The following CA10 variants were observed in gnomAD, a reference collection of about 807,000 sequenced individuals.
CA10 encodes carbonic anhydrase 10 (inactive), also known as carbonic anhydrase-related protein 10.
CA10 carries 14 observed loss-of-function variants against 44.2 expected under a neutral mutation model. The ratio of observed to expected loss-of-function variants is 0.32; its 90% CI spans 0.21 to 0.50. CA10 has a LOEUF of 0.50. Among genes scored for constraint, CA10 ranks in the 20% least tolerant of loss-of-function variants. The pLI is 0.99. For missense variants in CA10, 350 were observed against 409.7 expected (o/e 0.85, Z 1.26); for synonymous variants, 159 against 141.6 (o/e 1.12, Z -0.87).
intron 3 of CA10, among the ~76,000 whole-genome samples, chr17:51,778,403 C>G (rs1052242226): frequency 2.0e-5 from 3 of 152,196 alleles, no homozygotes; most frequent in African/African-American, 7.2e-5. Flanking sequence ...CTGGCCTTGC[C>G]TGTAAGCTTG....
At chr17:51,873,183 C>G (rs7220627) in intron 3 of CA10, among the ~76,000 whole-genome samples, 6,978 of 151,862 alleles carry the variant, frequency 0.046, 424 homozygotes, top group African/African-American at 0.14. Flanking sequence ...TATGTAACAG[C>G]GTTAAAGATT....
In CA10 at chr17:51,953,981, C is replaced by T. The variant is rs1442727927; in HGVS notation, c.137-22849G>A. ...AATTTTAATAGTGATAAGTATTACT[C>T]TGTTGTGATTAGAGCTTCCACCATA... is the stretch of plus-strand genomic sequence containing the variant. On this transcript the variant is annotated intron_variant, in intron 2 of 8. Transcript: ENST00000451037. 3.3e-5 allele frequency among the ~76,000 whole-genome samples: 5 copies of T among 152,134 alleles called. No homozygotes were observed. In the East Asian group the frequency reaches 9.6e-4, roughly 29 times the overall value.
At chr17:51,821,004 GCTCCCTCCCTCCCTTAATTCCTCC>G (rs1477874009) in intron 3 of CA10, among the ~76,000 whole-genome samples, 1 of 143,784 alleles carries the variant, frequency 7.0e-6, no homozygotes, top group Non-Finnish European at 1.5e-5. Flanking sequence ...AAAGATCCAT[GCTCCCTCCCTCCCTTAATTCCTCC>G]CTCCCTCCCT....
At chr17:51,936,883 T>C (rs1046312071) in intron 2 of CA10, among the ~76,000 whole-genome samples, 4 of 152,156 alleles carry the variant, frequency 2.6e-5, no homozygotes, top group African/African-American at 9.6e-5. Context: ...TTTAATCCTA[T>C]TGCTTTTGGT....
chr17:51,776,346 G>C (rs1905819954), intron 3 of CA10, among the ~76,000 whole-genome samples: 1 of 152,030 alleles, frequency 6.6e-6, no homozygotes, highest in Admixed American at 6.6e-5. Flanking sequence ...CTGCACCCCA[G>C]CCTCAGCAAC....
At chr17:52,069,222 C>G (rs2970042) in intron 2 of CA10, among the ~76,000 whole-genome samples, 57,772 of 152,094 alleles carry the variant, frequency 0.38, 13,026 homozygotes, top group East Asian at 0.74. Context: ...TATCTGGGTA[C>G]GTACCTAGCC....
chr17:51,790,576 G>A (rs1364345591), intron 3 of CA10, among the ~76,000 whole-genome samples: 1 of 152,134 alleles, frequency 6.6e-6, no homozygotes, highest in East Asian at 1.9e-4. Context: ...TTATTTGCCT[G>A]CAAATGCAAG....
intron 2 of CA10, among the ~76,000 whole-genome samples, chr17:52,029,070 A>G (rs907323710): frequency 2.6e-5 from 4 of 152,176 alleles, no homozygotes; most frequent in Non-Finnish European, 4.4e-5. Context: ...AAATATGTCA[A>G]GGTCTGTTTT....
chr17:51,986,703 T>C (rs1291579661), intron 2 of CA10, among the ~76,000 whole-genome samples: 1 of 151,950 alleles, frequency 6.6e-6, no homozygotes, highest in Non-Finnish European at 1.5e-5. Flanking sequence ...GCTATGGACA[T>C]GAGTAGACAA....
At chr17:51,672,428 C>A (rs1202622262) in intron 4 of CA10, among the ~76,000 whole-genome samples, 2 of 152,192 alleles carry the variant, frequency 1.3e-5, no homozygotes, top group Non-Finnish European at 2.9e-5. Context: ...AACACCAAGG[C>A]ATTGTACTTG....
intron 2 of CA10, among the ~76,000 whole-genome samples, chr17:52,056,581 A>G (rs558275869): frequency 1.6e-4 from 25 of 152,220 alleles, no homozygotes; most frequent in Admixed American, 9.8e-4. Context: ...ACTACATTTT[A>G]TAAGTGTCCA....
At chr17:51,715,263 GC>G (rs548227843) in intron 4 of CA10, among the ~76,000 whole-genome samples, 109 of 152,106 alleles carry the variant, frequency 7.2e-4, no homozygotes, top group African/African-American at 2.3e-3. Context: ...TATACCTAAT[GC>G]TAAATGACGA....
chr17:51,636,826 T>C, intron 6 of CA10, among the ~76,000 whole-genome samples: 1 of 151,832 alleles, frequency 6.6e-6, no homozygotes, highest in Non-Finnish European at 1.5e-5. Flanking sequence ...TTTCTCTCTC[T>C]CAGGTCTATG....
chr17:52,036,453 G>A (rs1261520908), intron 2 of CA10, among the ~76,000 whole-genome samples: 2 of 152,134 alleles, frequency 1.3e-5, no homozygotes, highest in Admixed American at 6.5e-5. Flanking sequence ...TGGGAGCATA[G>A]GAAACATTGG....
At chr17:52,055,960 C>A (rs903288390) in intron 2 of CA10, among the ~76,000 whole-genome samples, 1 of 151,950 alleles carries the variant, frequency 6.6e-6, no homozygotes, top group African/African-American at 2.4e-5. Context: ...GTAAAGCTGA[C>A]CAAATTCTTG....
chr17:52,134,412 A>T (rs1469554000), intron 1 of CA10, among the ~76,000 whole-genome samples: 1 of 152,134 alleles, frequency 6.6e-6, no homozygotes, highest in African/African-American at 2.4e-5. Context: ...TCATCCACCC[A>T]CAAGCTTTCT....
At chr17:51,784,724 C>T (rs7219531) in intron 3 of CA10, among the ~76,000 whole-genome samples, 1 of 152,208 alleles carries the variant, frequency 6.6e-6, no homozygotes, top group African/African-American at 2.4e-5. Flanking sequence ...ATAACAATCA[C>T]ATCATGGAGA....
intron 1 of CA10, among the ~76,000 whole-genome samples, chr17:52,156,571 C>T (rs1989808070): frequency 6.6e-6 from 1 of 152,166 alleles, no homozygotes; most frequent in Non-Finnish European, 1.5e-5. Context: ...GTTGTTTTCT[C>T]CTATCCAGAA....
intron 1 of CA10, 23 bp from the exon 2 acceptor site, chr17:52,072,416 A>G: frequency 6.4e-7 from 1 of 1,571,118 alleles, no homozygotes; most frequent in Non-Finnish European, 8.8e-7. Context: ...CAAAGAAGAG[A>G]GATTAAGATG....
Sources: gnomAD v4.1 joint callset for allele counts (sites outside exome capture counted in the v4.1 genomes callset) on GRCh38, gnomAD v4.1.1 for gene constraint, MANE v1.5 for transcripts, NCBI Gene and HGNC (gene_info 2026-07-23, HGNC 2026-07-21) for gene names.